The following ADAMTS5 variants were observed in gnomAD, a reference collection of about 807,000 sequenced individuals.
The protein encoded by ADAMTS5 is ADAM metallopeptidase with thrombospondin type 1 motif 5.
In ADAMTS5, 54 loss-of-function variants were observed where a neutral mutation model predicts 81.4. That is an observed-to-expected ratio of 0.66 (90% CI 0.53 to 0.83). The LOEUF (loss-of-function observed/expected upper bound fraction) is 0.83, where lower values mean the gene tolerates loss of function less well. Among genes scored for constraint, ADAMTS5 ranks in the 40% least tolerant of loss-of-function variants. The pLI, the probability that ADAMTS5 is intolerant of heterozygous loss-of-function variation, is 0.00. For synonymous variants in ADAMTS5, 532 were observed against 508.8 expected (o/e 1.05, Z -0.61); for missense variants, 1,194 against 1,229.9 (o/e 0.97, Z 0.44).
chr21:26,926,923 G>C (rs1321641952), intron 7 of ADAMTS5, among the ~76,000 whole-genome samples: 1 of 152,148 alleles, frequency 6.6e-6, no homozygotes, highest in Non-Finnish European at 1.5e-5. Context: ...GAATTAGTAT[G>C]ATGGTCAGTA....
In ADAMTS5 at chr21:26,965,872, C is replaced by G. The variant is rs1453604809; in HGVS notation, c.520G>C (p.Ala174Pro). The change falls in exon 1 of 8, where the codon GCG becomes CCG. Residue 174 changes from alanine to proline, a missense_variant. By Grantham distance (27) the Ala-to-Pro change is conservative (BLOSUM62 -1). This residue lies in a region of ADAMTS5 where 498 missense variants were observed against 412.3 expected (regional missense o/e 1.21). Transcript: ENST00000284987. ...TACACGCGCCCCTTTTCTTCCTCCG[C>G]CCAGGGTCCGCGCAGCAGTGGCTTT... ...TLKPLLRGPW[A>P]EEEKGRVYGD... is the part of the protein sequence containing the mutation. The G allele has an allele frequency of 1.9e-6, 3 of 1,613,710 alleles. No individual in the cohort carries two copies. Among genetic ancestry groups the G allele is most frequent in the Non-Finnish European group, 2.5e-6 (3 of 1,179,866 alleles).
chr21:26,934,316 C>T (rs569805110), intron 4 of ADAMTS5, 150 bp downstream of exon 4: 17 of 997,102 alleles, frequency 1.7e-5, no homozygotes, highest in African/African-American at 6.6e-5. Context: ...ATGGCTACTG[C>T]GGGTAAAAGA....
Position 26,920,575 on chromosome 21 carries a change from C to T in ADAMTS5, c.*3478G>A, listed in dbSNP as rs1377709105. 6.6e-6 allele frequency: 1 copy of T among 152,004 alleles called. No homozygotes were observed. Among genetic ancestry groups the T allele is most frequent in the East Asian group, 1.9e-4 (1 of 5,198 alleles). The allele number at this position is 152,004 out of a possible 1,614,324, so 9.4% of individuals were successfully genotyped here. A position where few individuals can be genotyped will look rare whatever the true frequency, so the allele number is the denominator to read the frequency against. ...CATTTGGTTTTATTATCGTTTGTAT[C>T]CCTCAGAAGTTGTGTGTAGACAACT... is the stretch of plus-strand genomic sequence containing the variant. On this transcript the variant is annotated 3_prime_UTR_variant, in exon 8 of 8. Transcript: ENST00000284987.
intron 2 of ADAMTS5, among the ~76,000 whole-genome samples, chr21:26,949,782 C>T (rs1240784988): frequency 6.6e-6 from 1 of 152,216 alleles, no homozygotes; most frequent in Non-Finnish European, 1.5e-5. Flanking sequence ...GGCTTTCCTC[C>T]AAACTGCTTG....
intron 2 of ADAMTS5, among the ~76,000 whole-genome samples, chr21:26,950,061 C>T (rs940933829): frequency 6.6e-6 from 1 of 152,210 alleles, no homozygotes; most frequent in African/African-American, 2.4e-5. Flanking sequence ...TCAACCACTT[C>T]CTAAGTCTCA....
chr21:26,928,316 C>T (rs1986840508), intron 7 of ADAMTS5, among the ~76,000 whole-genome samples: 1 of 152,064 alleles, frequency 6.6e-6, no homozygotes, highest in Non-Finnish European at 1.5e-5. Context: ...TTAATTTGAA[C>T]TACTCAAACA....
chr21:26,941,271 A>G (rs1987108795), intron 3 of ADAMTS5, among the ~76,000 whole-genome samples: 1 of 152,144 alleles, frequency 6.6e-6, no homozygotes, highest in African/African-American at 2.4e-5. Context: ...TATTTAATAT[A>G]TATACATGAG....
intron 7 of ADAMTS5, among the ~76,000 whole-genome samples, chr21:26,927,827 C>T (rs778471212): frequency 5.3e-5 from 8 of 151,206 alleles, no homozygotes; most frequent in Admixed American, 1.3e-4. Flanking sequence ...ACTTGGATTG[C>T]GGTGGGAGCG....
In ADAMTS5 at chr21:26,954,778, C is replaced by T. The variant is rs961002612; in HGVS notation, c.1198G>A (p.Asp400Asn). ...PERSCAVIED[D>N]GLHAAFTVAH... ...ACAGTGAAGGCTGCGTGGAGGCCATCGTCTTCAATCACAGCACAGCTGCGC... is the reference window on the plus strand; with the variant it reads ...ACAGTGAAGGCTGCGTGGAGGCCATTGTCTTCAATCACAGCACAGCTGCGC... Residue 400 changes from aspartate to asparagine, a missense_variant, in exon 2 of 8, where the codon GAT becomes AAT. This residue lies in a region of ADAMTS5 where 696 missense variants were observed against 817.6 expected (regional missense o/e 0.85). Coordinates refer to ENST00000284987, the MANE Select transcript of ADAMTS5 (RefSeq NM_007038.5). 9 of 1,613,976 alleles carry T rather than the reference C, an allele frequency of 5.6e-6. No homozygotes were observed. Among genetic ancestry groups the T allele is most frequent in the African/African-American group, 1.3e-5 (1 of 74,928 alleles).
At position 26,921,731 on chromosome 21, in the gene ADAMTS5, C is replaced by T. The variant is rs1243654238; in HGVS notation, c.*2322G>A. 6.6e-6 allele frequency: 1 copy of T among 152,404 alleles called. No individual in the cohort carries two copies. The highest frequency in any genetic ancestry group is 1.9e-4 in the East Asian group (1 of 5,180). The allele number at this position is 152,404 out of a possible 1,614,324, so 9.4% of individuals were successfully genotyped here. A position where few individuals can be genotyped will look rare whatever the true frequency, so the allele number is the denominator to read the frequency against. On this transcript the variant is annotated 3_prime_UTR_variant, in exon 8 of 8. Transcript: ENST00000284987. ...ACTCATAAGAAAAAGGTGGAGAAAA[C>T]TACTTAAAAGCATGGAATAGTGGTT...
At position 26,954,733 on chromosome 21, in the gene ADAMTS5, G is replaced by A; in HGVS notation, c.1237+6C>T. On this transcript the variant is annotated splice_donor_region_variant and intron_variant, in intron 2 of 7. Transcript: ENST00000284987. Reference sequence around the variant, plus strand: ...TTGGTGAGGGAAAAGAAAAGGCGCTGCATACCGATTTCGTGAGCCACAGTG... The same window carrying A: ...TTGGTGAGGGAAAAGAAAAGGCGCTACATACCGATTTCGTGAGCCACAGTG... The A allele has an allele frequency of 6.2e-7, 1 of 1,613,662 alleles. No individual in the cohort carries two copies. The highest frequency in any genetic ancestry group is 2.2e-5 in the East Asian group (1 of 44,860).
intron 1 of ADAMTS5, among the ~76,000 whole-genome samples, chr21:26,955,163 C>T (rs1011599090): frequency 2.6e-5 from 4 of 152,286 alleles, no homozygotes; most frequent in East Asian, 1.9e-4. Context: ...AATGCAGATA[C>T]GTCTCTGATC....
chr21:26,947,644 G>A (rs1018598300), intron 2 of ADAMTS5, among the ~76,000 whole-genome samples: 2 of 151,910 alleles, frequency 1.3e-5, no homozygotes, highest in South Asian at 2.1e-4. Context: ...CATGTTGGCC[G>A]GGGTGGTCTC....
intron 7 of ADAMTS5, 62 bp from the exon 8 acceptor site, chr21:26,924,682 G>A (rs1307366803): frequency 7.6e-7 from 1 of 1,309,608 alleles, no homozygotes; most frequent in African/African-American, 1.5e-5. Flanking sequence ...AGAAAAAAAT[G>A]AGTAAACACT....
At chr21:26,931,836 T>C (rs1042849058) in intron 6 of ADAMTS5, among the ~76,000 whole-genome samples, 168 bp downstream of exon 6, 2 of 152,242 alleles carry the variant, frequency 1.3e-5, no homozygotes, top group African/African-American at 4.8e-5. Context: ...TTTTATTCAT[T>C]GTGTAAAGTT....
At chr21:26,964,762 GTT>G (rs1349544644) in intron 1 of ADAMTS5, among the ~76,000 whole-genome samples, 1 of 152,196 alleles carries the variant, frequency 6.6e-6, no homozygotes. Context: ...CCTTGAGAAA[GTT>G]TTCTCATCCT....
rs117186238 is a variant in ADAMTS5, at chr21:26,959,657, T to C, written c.1105-4786A>G. ...AAAACTAGATAATTTAGAGGTATACTAAATATATGAAATACACTGTGAAAG... is the reference window on the plus strand; with the variant it reads ...AAAACTAGATAATTTAGAGGTATACCAAATATATGAAATACACTGTGAAAG... On this transcript the variant is annotated intron_variant, in intron 1 of 7. Coordinates refer to ENST00000284987, the MANE Select transcript of ADAMTS5 (RefSeq NM_007038.5). 5.7e-3 allele frequency among the ~76,000 whole-genome samples: 866 copies of C among 152,330 alleles called. 4 individuals carry two copies. The highest frequency in any genetic ancestry group is 0.01 in the Non-Finnish European group (701 of 68,030).
At chr21:26,935,721 T>C (rs979413710) in intron 3 of ADAMTS5, among the ~76,000 whole-genome samples, 7 of 152,106 alleles carry the variant, frequency 4.6e-5, no homozygotes, top group Non-Finnish European at 1.0e-4. Flanking sequence ...TTGCTTCCTC[T>C]TCCTCTCCTT....
At position 26,934,691 on chromosome 21, in the gene ADAMTS5, T is replaced by C. The variant is rs1030564408; in HGVS notation, c.1464A>G (p.Gly488=). 2 of 1,614,082 alleles carry C rather than the reference T, an allele frequency of 1.2e-6. No individual in the cohort carries two copies. The highest frequency in any genetic ancestry group is 1.7e-6 in the Non-Finnish European group (2 of 1,180,048). The change falls in exon 4 of 8, where the codon GGA becomes GGG. Residue 488 remains glycine (G), a synonymous_variant. Transcript: ENST00000284987. ...ACTGCTGGGTGGCATCGTAGGTCTG[T>C]CCTGGGAGTTCTTCGGGGCCCAGGA... ...KQILGPEELP[G]QTYDATQQCN...
Sources: gnomAD v4.1 joint callset for allele counts (sites outside exome capture counted in the v4.1 genomes callset) on GRCh38, gnomAD v4.1.1 for gene constraint, gnomAD v4.1.1 regional missense constraint, MANE v1.5 for transcripts, NCBI Gene and HGNC (gene_info 2026-07-23, HGNC 2026-07-21) for gene names.